Variants in ANKFN1 observed in about 807,000 individuals in gnomAD.
The protein encoded by ANKFN1 is ankyrin repeat and fibronectin type III domain containing 1.
A neutral mutation model predicts 108.7 loss-of-function variants in ANKFN1; 74 were observed. The ratio of observed to expected loss-of-function variants is 0.68; its 90% CI spans 0.56 to 0.83. The LOEUF (loss-of-function observed/expected upper bound fraction) is 0.83, where lower values mean the gene tolerates loss of function less well. Ranked by LOEUF, ANKFN1 falls within the 40% of genes least tolerant of loss-of-function variation. The pLI is 0.00. For synonymous variants in ANKFN1, 547 were observed against 516.2 expected (o/e 1.06, Z -0.81); for missense variants, 1,505 against 1,382.3 (o/e 1.09, Z -1.41).
chr17:56,176,217 G>A (rs1466922915), intron 1 of ANKFN1, among the ~76,000 whole-genome samples: 1 of 152,090 alleles, frequency 6.6e-6, no homozygotes, highest in African/African-American at 2.4e-5. Context: ...GTCAGGGACT[G>A]AGGGAGGGAA....
chr17:56,272,060 G>T (rs2043808018), intron 3 of ANKFN1, among the ~76,000 whole-genome samples: 3 of 151,974 alleles, frequency 2.0e-5, no homozygotes, highest in African/African-American at 7.3e-5. Context: ...TACAATATTA[G>T]GACAATATTA....
intron 2 of ANKFN1, among the ~76,000 whole-genome samples, chr17:56,217,405 C>A (rs951555773): frequency 6.6e-6 from 1 of 152,190 alleles, no homozygotes; most frequent in Non-Finnish European, 1.5e-5. Flanking sequence ...CAGAGTTCTT[C>A]AAAATTCCAC....
At chr17:56,388,547 C>A (rs2047340183) in intron 8 of ANKFN1, among the ~76,000 whole-genome samples, 2 of 152,164 alleles carry the variant, frequency 1.3e-5, no homozygotes, top group Admixed American at 1.3e-4. Context: ...AGCTATATTT[C>A]TATTTTTAAT....
At chr17:56,083,412 T>C (rs1905271673) in intron 4 of ANKFN1, among the ~76,000 whole-genome samples, 1 of 151,450 alleles carries the variant, frequency 6.6e-6, no homozygotes, top group African/African-American at 2.4e-5. Flanking sequence ...AGAATTGTTC[T>C]CCACACTCCC....
chr17:56,337,502 AG>A (rs2045844603), intron 4 of ANKFN1, among the ~76,000 whole-genome samples: 1 of 152,320 alleles, frequency 6.6e-6, no homozygotes, highest in African/African-American at 2.4e-5. Context: ...GCACGGCAAA[AG>A]AAACTACCGT....
chr17:56,306,633 G>A (rs139844042), intron 3 of ANKFN1, among the ~76,000 whole-genome samples: 3,147 of 152,208 alleles, frequency 0.021, 129 homozygotes, highest in African/African-American at 0.07. Flanking sequence ...AATCAATATC[G>A]TGAAAATGGC....
chr17:56,159,835 T>C (rs1421665979), intron 1 of ANKFN1, among the ~76,000 whole-genome samples: 2 of 152,034 alleles, frequency 1.3e-5, no homozygotes, highest in Non-Finnish European at 2.9e-5. Flanking sequence ...CTTTCCTGCA[T>C]GTTGTTAGAG....
At chr17:56,283,524 G>GATATATATATATAT (rs567333825) in intron 3 of ANKFN1, among the ~76,000 whole-genome samples, 1 of 141,606 alleles carries the variant, frequency 7.1e-6, no homozygotes, top group African/African-American at 3.0e-5. Flanking sequence ...AAGAAACTGT[G>GATATATATATATAT]ATATATATAT....
chr17:56,252,988 G>A (rs925422002), intron 3 of ANKFN1, among the ~76,000 whole-genome samples: 2 of 152,188 alleles, frequency 1.3e-5, no homozygotes, highest in Non-Finnish European at 2.9e-5. Context: ...CTTTAGCCCA[G>A]AAGTTTGAGG....
intron 15 of ANKFN1, among the ~76,000 whole-genome samples, chr17:56,467,767 GAAAGAAAGAAAGAAAGAAAGAAAGAAGA>G (rs2050134479): frequency 4.3e-5 from 1 of 23,524 alleles, no homozygotes; most frequent in South Asian, 1.4e-3. Flanking sequence ...AAGAAAGAAA[GAAAGAAAGAAAGAAAGAAAGAAAGAAGA>G]AAGAAAGAAA....
At chr17:56,486,997 A>G (rs77680981) in intron 18 of ANKFN1, among the ~76,000 whole-genome samples, 110 of 152,316 alleles carry the variant, frequency 7.2e-4, no homozygotes, top group African/African-American at 2.5e-3. Context: ...CCAGCACTGC[A>G]TAGATCTAGC....
At chr17:56,185,865 G>T (rs1348941218) in intron 1 of ANKFN1, among the ~76,000 whole-genome samples, 2 of 152,084 alleles carry the variant, frequency 1.3e-5, no homozygotes, top group Non-Finnish European at 2.9e-5. Flanking sequence ...CCAGGACTCT[G>T]CCAGAATTGT....
At chr17:56,098,394 C>T (rs150938497) in intron 4 of ANKFN1, among the ~76,000 whole-genome samples, 18 of 151,402 alleles carry the variant, frequency 1.2e-4, no homozygotes, top group Admixed American at 6.6e-4. Context: ...ACAAAAATAG[C>T]CCCTGCTACA....
rs1442144777 is a variant in ANKFN1, at chr17:56,456,391, CT to C, written c.1208-463del. ...CTGGCATCTCAAGATACCAGAGCTTCTTTTTTTCTCTTTTTTTTTTTTTTTT... is the reference window on the plus strand; with the variant it reads ...CTGGCATCTCAAGATACCAGAGCTTCTTTTTTCTCTTTTTTTTTTTTTTTT... On this transcript the variant is annotated intron_variant, in intron 11 of 20. Coordinates refer to ENST00000682825, the MANE Select transcript of ANKFN1 (RefSeq NM_001370326.1). Among the ~76,000 whole-genome samples, 4 of 125,196 alleles carry C rather than the reference CT, an allele frequency of 3.2e-5. No homozygotes were observed. The East Asian group carries it at 8.0e-4, about 25-fold the overall frequency. The allele number at this position is 125,196 out of a possible 152,430, so 82.1% of individuals were successfully genotyped here. A position where few individuals can be genotyped will look rare whatever the true frequency, so the allele number is the denominator to read the frequency against.
chr17:56,415,264 A>C lies in ANKFN1; in HGVS notation c.911-25063A>C, dbSNP rs150558039. Reference sequence around the variant, plus strand: ...GTCAAATTGGAAAGGGAGAAGGCAAATTATCCTTGTTGGCAGGTGATATGA... The same window carrying C: ...GTCAAATTGGAAAGGGAGAAGGCAACTTATCCTTGTTGGCAGGTGATATGA... On this transcript the variant is annotated intron_variant, in intron 8 of 20. Transcript: ENST00000682825. Among the ~76,000 whole-genome samples, 103 of 152,284 alleles carry C rather than the reference A, an allele frequency of 6.8e-4. 1 individual carries two copies. The East Asian group carries it at 0.01, about 15-fold the overall frequency.
At position 56,442,841 on chromosome 17, in the gene ANKFN1, A is replaced by C; in HGVS notation, c.1009-2A>C. The stretch of plus-strand genomic sequence containing the variant: ...CTGATGCATCATTTCAATACTTTGC[A>C]GGGCCAACAGTATTTTGTTCAAGTC... On this transcript the variant is annotated splice_acceptor_variant, in intron 9 of 20. Coordinates refer to ENST00000682825, the MANE Select transcript of ANKFN1 (RefSeq NM_001370326.1). LOFTEE classifies it high-confidence loss of function. The C allele has an allele frequency of 6.2e-7, 1 of 1,613,284 alleles. No homozygotes were observed. Among genetic ancestry groups the C allele is most frequent in the Non-Finnish European group, 8.5e-7 (1 of 1,179,342 alleles).
intron 3 of ANKFN1, among the ~76,000 whole-genome samples, chr17:56,259,917 C>CAA (rs2144114203): frequency 6.6e-6 from 1 of 150,588 alleles, no homozygotes; most frequent in South Asian, 2.1e-4. Context: ...CAAACACACA[C>CAA]ACACACACAC....
At chr17:56,409,408 A>G (rs1421724136) in intron 8 of ANKFN1, among the ~76,000 whole-genome samples, 1 of 152,228 alleles carries the variant, frequency 6.6e-6, no homozygotes, top group African/African-American at 2.4e-5. Context: ...TGAACATTGT[A>G]CATAAAACAA....
chr17:56,460,318 T>C (rs1268849398), intron 14 of ANKFN1, among the ~76,000 whole-genome samples: 1 of 152,086 alleles, frequency 6.6e-6, no homozygotes, highest in Non-Finnish European at 1.5e-5. Context: ...CTGGATGTGG[T>C]GGTGCACATC....
Sources: allele counts gnomAD v4.1 joint callset (sites outside exome capture counted in the v4.1 genomes callset), GRCh38; gene constraint gnomAD v4.1.1; transcripts MANE v1.5; gene names NCBI Gene and HGNC (gene_info 2026-07-23, HGNC 2026-07-21).